Variants in SMG1 observed in about 807,000 individuals in gnomAD.
The protein encoded by SMG1 is SMG1 nonsense mediated mRNA decay associated PI3K related kinase, also known as serine/threonine-protein kinase SMG1.
In SMG1, 22 loss-of-function variants were observed where a neutral mutation model predicts 419.9. The observed-to-expected ratio is 0.05, with a 90% CI of 0.04 to 0.07. The LOEUF (loss-of-function observed/expected upper bound fraction) is 0.07, where lower values mean the gene tolerates loss of function less well. Ranked by LOEUF, SMG1 falls within the 10% of genes least tolerant of loss-of-function variation. The probability of loss-of-function intolerance (pLI) is 1.00; values close to 1 mark genes in which losing one functional copy is unlikely to be tolerated. For missense variants in SMG1, 3,185 were observed against 4,342.0 expected, an observed-to-expected ratio of 0.73 and a Z score of 7.49; for synonymous variants, 1,538 against 1,553.5, an observed-to-expected ratio of 0.99 and a Z score of 0.23.
At chr16:18,873,141 T>TAA (rs923880951) in intron 13 of SMG1, among the ~76,000 whole-genome samples, 1 of 152,132 alleles carries the variant, frequency 6.6e-6, no homozygotes. Context: ...ATGACAAAGT[T>TAA]AAGACTCTCT....
chr16:18,816,649 T>C (rs1299757575), intron 57 of SMG1, 120 bp from the exon 58 acceptor site: 3 of 735,608 alleles, frequency 4.1e-6, no homozygotes, highest in Non-Finnish European at 4.4e-6. Flanking sequence ...CCTCCATTGC[T>C]AAGTCATGAA....
At position 18,811,757 on chromosome 16, in the gene SMG1, T is replaced by A. The variant is rs542445451; in HGVS notation, c.10908+4A>T. ...TGTGTAGCCCAAGTTTAAAACACGG[T>A]CACCTGTTCAGCAACTGACATCCTC... On this transcript the variant is annotated splice_donor_region_variant and intron_variant, in intron 62 of 62. Transcript: ENST00000446231. The A allele has an allele frequency of 3.0e-5, 49 of 1,613,420 alleles. No homozygotes were observed. In the Middle Eastern group the frequency reaches 4.9e-4, roughly 16 times the overall value.
chr16:18,888,702 A>G (rs371403295), intron 6 of SMG1, among the ~76,000 whole-genome samples: 3 of 151,892 alleles, frequency 2.0e-5, no homozygotes, highest in African/African-American at 7.2e-5. Context: ...TCTTGACCTC[A>G]TGATGTTTCC....
At chr16:18,831,171 G>A (rs1434805014) in intron 51 of SMG1, among the ~76,000 whole-genome samples, 2 of 152,162 alleles carry the variant, frequency 1.3e-5, no homozygotes, top group African/African-American at 4.8e-5. Flanking sequence ...TAGTGCTTAT[G>A]TATCCAGGCA....
chr16:18,815,770 A>C, intron 58 of SMG1, 119 bp from the exon 59 acceptor site: 1 of 718,868 alleles, frequency 1.4e-6, no homozygotes, highest in Non-Finnish European at 2.2e-6. Context: ...TAAACTGCTT[A>C]GTTCAACTCC....
chr16:18,879,932 T>C (rs1450416502), intron 10 of SMG1, among the ~76,000 whole-genome samples: 3 of 152,144 alleles, frequency 2.0e-5, no homozygotes, highest in African/African-American at 4.8e-5. Flanking sequence ...TAAAGTGCTA[T>C]TATGACAGGA....
chr16:18,837,183 TG>T, intron 46 of SMG1, 69 bp downstream of exon 46: 3 of 1,313,798 alleles, frequency 2.3e-6, no homozygotes, highest in Non-Finnish European at 3.1e-6. Context: ...TAATCCATAT[TG>T]ATGTTTACAT....
Position 18,896,859 on chromosome 16 carries a change from C to T in SMG1, c.190G>A (p.Ala64Thr), listed in dbSNP as rs1212613040. ...SSYGLQPSNS[A>T]VVSRQRHDDT... ...TCGTGCCTTTGCCGAGACACCACAG[C>T]TGAATTTGAAGGTTGCAGTCCATAA... is the stretch of plus-strand genomic sequence containing the variant. The change falls in exon 2 of 63, where the codon GCT becomes ACT. Residue 64 changes from alanine to threonine, a missense_variant. Ala to Thr is a moderately conservative substitution (Grantham distance 58). Transcript: ENST00000446231. The T allele has an allele frequency of 1.2e-6, 2 of 1,609,352 alleles. No homozygotes were observed. Among genetic ancestry groups the T allele is most frequent in the Admixed American group, 1.7e-5 (1 of 59,764 alleles).
At chr16:18,840,866 A>C (rs2033875504) in intron 41 of SMG1, among the ~76,000 whole-genome samples, 1 of 152,196 alleles carries the variant, frequency 6.6e-6, no homozygotes, top group South Asian at 2.1e-4. Context: ...GTCTCAAGTT[A>C]AGATAAACCC....
chr16:18,924,600 T>C (rs1490357728), intron 1 of SMG1, among the ~76,000 whole-genome samples: 3 of 152,226 alleles, frequency 2.0e-5, no homozygotes, highest in Non-Finnish European at 2.9e-5. Context: ...ACTAATTTTA[T>C]TTAAAGCACT....
chr16:18,922,630 A>T (rs1567469942), intron 1 of SMG1, among the ~76,000 whole-genome samples: 1 of 151,900 alleles, frequency 6.6e-6, no homozygotes, highest in African/African-American at 2.4e-5. Context: ...ATATCCCGCT[A>T]ATTTATTTAT....
chr16:18,834,962 G>T lies in SMG1; in HGVS notation c.8260C>A (p.His2754Asn). The change falls in exon 49 of 63, where the codon CAT becomes AAT. Residue 2754 changes from histidine (H) to asparagine (N), a missense_variant. His to Asn is a moderately conservative substitution (Grantham distance 68). This residue lies in a region of SMG1 where 412 missense variants were observed against 546.6 expected (regional missense o/e 0.75). Transcript: ENST00000446231. The stretch of plus-strand genomic sequence containing the variant: ...AAAGATCCTTCTTCTCCATTCTCAT[G>T]AAGGAAAACTTTAATGCAACGTTCA... ...EIERCIKVFLHENGEEGSLSL... is the reference protein window; with the variant it reads ...EIERCIKVFLNENGEEGSLSL... The T allele has an allele frequency of 6.2e-7, 1 of 1,614,002 alleles. No individual in the cohort carries two copies. Among genetic ancestry groups the T allele is most frequent in the Non-Finnish European group, 8.5e-7 (1 of 1,179,884 alleles).
In SMG1 at chr16:18,880,476, G is replaced by C. The variant is rs142342104; in HGVS notation, c.1294-757C>G. Among the ~76,000 whole-genome samples the C allele has an allele frequency of 9.1e-3, 1,381 of 152,178 alleles. 10 individuals are homozygous for C. The highest frequency in any genetic ancestry group is 0.031 in the Middle Eastern group (9 of 290). On this transcript the variant is annotated intron_variant, in intron 10 of 62. Transcript: ENST00000446231. ...ATCTATCATCCTAGCACTTTGACAG[G>C]ATTAGCTGGAAGGTTCTCTTGAGTC...
chr16:18,901,674 T>C (rs1444768051), intron 1 of SMG1, among the ~76,000 whole-genome samples: 7 of 152,110 alleles, frequency 4.6e-5, no homozygotes, highest in South Asian at 2.1e-4. Context: ...TGAAATGTCA[T>C]ACCTAATAAG....
rs1410499790 is a variant in SMG1 at position 18,862,955 on chromosome 16, C to A, written c.3695+695G>T. Among the ~76,000 whole-genome samples the A allele has an allele frequency of 2.6e-5, 4 of 152,198 alleles. No homozygotes were observed. The East Asian group carries it at 7.7e-4, about 29-fold the overall frequency. On this transcript the variant is annotated intron_variant, in intron 25 of 62. Coordinates refer to ENST00000446231, the MANE Select transcript of SMG1 (RefSeq NM_015092.5). ...TTCCCTCCCAAGAAGGTCAGCTTTA[C>A]CTAACTGCTTTCCTTATGGCACAGA...
In SMG1 at chr16:18,837,220, A is replaced by T. The variant is rs752598490; in HGVS notation, c.7604+33T>A. 1.6e-5 allele frequency: 24 copies of T among 1,518,208 alleles called. 1 individual carries two copies. In the South Asian group the frequency reaches 2.9e-4, roughly 18 times the overall value. The allele number at this position is 1,518,208 out of a possible 1,614,324, so 94.0% of individuals were successfully genotyped here. Reference sequence around the variant, plus strand: ...GAATATGAAAATTCTAATTAATGGCACATATTTAGAAGAATTCAACACTGT... The same window carrying T: ...GAATATGAAAATTCTAATTAATGGCTCATATTTAGAAGAATTCAACACTGT... On this transcript the variant is annotated intron_variant, in intron 46 of 62. Transcript: ENST00000446231.
chr16:18,879,281 A>C, intron 11 of SMG1: 1 of 537,046 alleles, frequency 1.9e-6, no homozygotes, highest in Non-Finnish European at 3.4e-6. Context: ...ACACCAAGCT[A>C]ATTTTTGACT....
rs66595727 is a variant in SMG1 at position 18,883,918 on chromosome 16, C to CAAA, written c.1119+149_1119+151dup. 3.6e-3 allele frequency among the ~76,000 whole-genome samples: 348 copies of CAAA among 96,914 alleles called. 5 individuals carry two copies. Among genetic ancestry groups the CAAA allele is most frequent in the African/African-American group, 0.011 (303 of 27,104 alleles). 63.6% of individuals were successfully genotyped at this position (96,914 alleles called of 152,430 possible). A position where few individuals can be genotyped will look rare whatever the true frequency, so the allele number is the denominator to read the frequency against. On this transcript the variant is annotated intron_variant, in intron 9 of 62. Transcript: ENST00000446231. ...TGGGTGACAGAGCGAGACTCCATCTCAAAAAAAAAAAAAAAAATGTTTAAA... is the reference window on the plus strand; with the variant it reads ...TGGGTGACAGAGCGAGACTCCATCTCAAAAAAAAAAAAAAAAAAAATGTTTAAA...
chr16:18,893,914 G>A (rs1368622089), intron 3 of SMG1, among the ~76,000 whole-genome samples: 8 of 151,894 alleles, frequency 5.3e-5, no homozygotes, highest in Non-Finnish European at 8.8e-5. Flanking sequence ...AAAATTAGCC[G>A]GGCGTGGTGG....
Sources: gnomAD v4.1 joint callset for allele counts (sites outside exome capture counted in the v4.1 genomes callset) on GRCh38, gnomAD v4.1.1 for gene constraint, gnomAD v4.1.1 regional missense constraint, MANE v1.5 for transcripts, NCBI Gene and HGNC (gene_info 2026-07-23, HGNC 2026-07-21) for gene names.